CDH13: variants seen among roughly 807,000 people sequenced by gnomAD.
CDH13 encodes the protein cadherin-13.
A neutral mutation model predicts 63.8 loss-of-function variants in CDH13; 24 were observed. The observed-to-expected ratio is 0.38, with a 90% CI of 0.27 to 0.53. CDH13 has a LOEUF of 0.53. Among genes scored for constraint, CDH13 ranks in the 20% least tolerant of loss-of-function variants. CDH13 has a pLI of 0.85. For missense variants in CDH13, 1,049 were observed against 903.1 expected, an observed-to-expected ratio of 1.16 and a Z score of -2.07; for synonymous variants, 503 against 355.3, an observed-to-expected ratio of 1.42 and a Z score of -4.67.
chr16:83,369,895 G>C (rs1055685934), intron 6 of CDH13, among the ~76,000 whole-genome samples: 22 of 152,236 alleles, frequency 1.4e-4, no homozygotes, highest in African/African-American at 4.8e-4. Flanking sequence ...TCAAAATTAA[G>C]GTGAATGGTA....
At chr16:83,728,436 C>G (rs72799117) in intron 10 of CDH13, among the ~76,000 whole-genome samples, 3,527 of 151,996 alleles carry the variant, frequency 0.023, 64 homozygotes, top group Non-Finnish European at 0.037. Context: ...TTCAATAGCT[C>G]CTGCCAATAT....
At chr16:82,740,662 C>T (rs1016998647) in intron 1 of CDH13, among the ~76,000 whole-genome samples, 2 of 152,208 alleles carry the variant, frequency 1.3e-5, no homozygotes, top group Admixed American at 6.5e-5. Flanking sequence ...GGACAGCGTG[C>T]TCCTTCGGAA....
intron 5 of CDH13, among the ~76,000 whole-genome samples, chr16:83,297,918 A>C (rs2089639873): frequency 6.6e-6 from 1 of 152,020 alleles, no homozygotes; most frequent in Non-Finnish European, 1.5e-5. Context: ...TGAAAATAAG[A>C]AAGAAGATGG....
chr16:83,602,224 AAT>A (rs1323581743), intron 7 of CDH13, among the ~76,000 whole-genome samples: 1 of 150,500 alleles, frequency 6.6e-6, no homozygotes, highest in Non-Finnish European at 1.5e-5. Context: ...AAGAACAGTA[AAT>A]ATATTGTCCC....
intron 7 of CDH13, among the ~76,000 whole-genome samples, chr16:83,518,814 A>G (rs2074761652): frequency 1.3e-5 from 2 of 152,076 alleles, no homozygotes; most frequent in Non-Finnish European, 2.9e-5. Flanking sequence ...TTTGCTCAGC[A>G]CTTCTTGCTG....
chr16:82,905,205 G>T (rs1438153913), intron 2 of CDH13, among the ~76,000 whole-genome samples: 1 of 152,158 alleles, frequency 6.6e-6, no homozygotes, highest in Non-Finnish European at 1.5e-5. Flanking sequence ...TGAGAATCGC[G>T]ATTATATGGA....
At chr16:83,320,984 T>A (rs2090211490) in intron 5 of CDH13, among the ~76,000 whole-genome samples, 1 of 152,180 alleles carries the variant, frequency 6.6e-6, no homozygotes, top group African/African-American at 2.4e-5. Context: ...TAATGACAAA[T>A]ATCTAAAGGA....
chr16:83,248,751 A>T (rs924971363), intron 5 of CDH13, among the ~76,000 whole-genome samples: 15 of 151,860 alleles, frequency 9.9e-5, no homozygotes, highest in African/African-American at 3.6e-4. Context: ...ATTTCTCATT[A>T]TGTTCCCTCA....
chr16:83,741,466 C>A (rs1044743436), intron 10 of CDH13, among the ~76,000 whole-genome samples: 1 of 142,332 alleles, frequency 7.0e-6, no homozygotes, highest in African/African-American at 2.6e-5. Flanking sequence ...TCTTTCCTAT[C>A]CTACTATATA....
intron 5 of CDH13, among the ~76,000 whole-genome samples, chr16:83,275,453 G>C (rs566066184): frequency 6.6e-6 from 1 of 152,192 alleles, no homozygotes; most frequent in African/African-American, 2.4e-5. Flanking sequence ...GAGTAAAGAA[G>C]ACAGCACTGA....
intron 2 of CDH13, among the ~76,000 whole-genome samples, chr16:82,893,841 G>A (rs924972202): frequency 1.3e-4 from 20 of 151,994 alleles, no homozygotes; most frequent in East Asian, 9.6e-4. Context: ...GTGACTTATC[G>A]CTAAGCTCCT....
Position 83,019,256 on chromosome 16 carries a change from C to G in CDH13, c.158-12754C>G, listed in dbSNP as rs564078787. On this transcript the variant is annotated intron_variant, in intron 2 of 13. Coordinates refer to ENST00000567109, the MANE Select transcript of CDH13 (RefSeq NM_001257.5). ...ACCTTTCTATTTTTAAATGTTTTCT[C>G]TTTTTCTTTTTCACTTGTTGAACTT... 8.5e-5 allele frequency among the ~76,000 whole-genome samples: 13 copies of G among 152,060 alleles called. No individual in the cohort carries two copies. The South Asian group carries it at 1.7e-3, about 19-fold the overall frequency.
At chr16:82,742,037 A>G (rs902462596) in intron 1 of CDH13, among the ~76,000 whole-genome samples, 1 of 152,204 alleles carries the variant, frequency 6.6e-6, no homozygotes, top group Non-Finnish European at 1.5e-5. Flanking sequence ...AATTTCTTAC[A>G]ATATCAGCCC....
chr16:83,152,265 G>C (rs1052254255), intron 4 of CDH13, among the ~76,000 whole-genome samples: 1 of 152,150 alleles, frequency 6.6e-6, no homozygotes, highest in African/African-American at 2.4e-5. Flanking sequence ...CCACCTAAAT[G>C]ATCCACGACA....
chr16:83,190,003 T>C (rs1014646519), intron 4 of CDH13, among the ~76,000 whole-genome samples: 10 of 152,196 alleles, frequency 6.6e-5, no homozygotes, highest in African/African-American at 2.4e-4. Context: ...CCTTCCGGCA[T>C]GATTGTGAGG....
intron 1 of CDH13, among the ~76,000 whole-genome samples, chr16:82,671,384 A>G (rs998516048): frequency 1.3e-5 from 2 of 152,218 alleles, no homozygotes; most frequent in Non-Finnish European, 2.9e-5. Flanking sequence ...ATGTAAGCCA[A>G]TCAACAAGAC....
chr16:83,541,600 C>T (rs929385073), intron 7 of CDH13, among the ~76,000 whole-genome samples: 1 of 152,208 alleles, frequency 6.6e-6, no homozygotes, highest in African/African-American at 2.4e-5. Flanking sequence ...CTTCTTTCCC[C>T]ATCCACAAGC....
At chr16:82,728,764 C>G (rs985173493) in intron 1 of CDH13, among the ~76,000 whole-genome samples, 3 of 152,128 alleles carry the variant, frequency 2.0e-5, no homozygotes, top group Non-Finnish European at 4.4e-5. Flanking sequence ...TTTACAAAAA[C>G]TTTCTGTAAA....
rs149503953 is a variant in CDH13 at position 82,745,007 on chromosome 16, T to C, written c.46-113355T>C. 7.1e-3 allele frequency among the ~76,000 whole-genome samples: 1,079 copies of C among 152,172 alleles called. 9 individuals are homozygous for C. Among genetic ancestry groups the C allele is most frequent in the Admixed American group, 0.014 (217 of 15,274 alleles). On this transcript the variant is annotated intron_variant, in intron 1 of 13. Transcript: ENST00000567109. ...AATTCTTTTCCAGTACGGAGAGCGG[T>C]GAATTTTGAGAAGTGACTTTTTGGC...
Sources: gnomAD v4.1 joint callset for allele counts (sites outside exome capture counted in the v4.1 genomes callset) on GRCh38, gnomAD v4.1.1 for gene constraint, MANE v1.5 for transcripts, NCBI Gene and HGNC (gene_info 2026-07-23, HGNC 2026-07-21) for gene names.